The following PVT1 variants were observed in gnomAD, a reference collection of about 807,000 sequenced individuals.
PVT1 encodes CXCR4/PVT1 fusion.
chr8:127,887,958 T>TTTTTTG (rs1815547335), intron 2 of PVT1, among the ~76,000 whole-genome samples: 1 of 144,640 alleles, frequency 6.9e-6, no homozygotes. Flanking sequence ...TTTTTTTTTT[T>TTTTTTG]GAGACTGAAT....
intron 2 of PVT1, among the ~76,000 whole-genome samples, chr8:127,853,795 C>CA (rs535690247): frequency 1.2e-3 from 174 of 148,274 alleles, no homozygotes; most frequent in African/African-American, 4.1e-3. Context: ...CAAAACAAAA[C>CA]AAAAAAACAC....
chr8:127,983,299 G>A (rs769984399), intron 3 of PVT1, among the ~76,000 whole-genome samples: 2 of 152,128 alleles, frequency 1.3e-5, no homozygotes, highest in Non-Finnish European at 1.5e-5. Context: ...CGGAGGTGGT[G>A]GTTCAAATGA....
intron 5 of PVT1, among the ~76,000 whole-genome samples, chr8:128,086,461 A>G (rs777500010): frequency 4.6e-5 from 7 of 152,224 alleles, no homozygotes; most frequent in Non-Finnish European, 8.8e-5. Context: ...TCTCTTCCCC[A>G]AAGTCACACA....
In PVT1 at chr8:127,817,528, A is replaced by AATATATATATATATATAT. The variant is rs36101639; in HGVS notation, n.372+21459_372+21476dup. ...ATATTTAAATAGATATATCTATTTA[A>AATATATATATATATATAT]ATATATATATATATATATACACACA... On this transcript the variant is annotated intron_variant and non_coding_transcript_variant, in intron 2 of 10. Coordinates refer to ENST00000651587, the Ensembl canonical transcript of PVT1. 3.2e-4 allele frequency among the ~76,000 whole-genome samples: 22 copies of AATATATATATATATATAT among 68,690 alleles called. No individual in the cohort carries two copies. In the East Asian group the frequency reaches 4.9e-3, roughly 15 times the overall value. 45.1% of individuals were successfully genotyped at this position (68,690 alleles called of 152,430 possible).
At chr8:127,813,049 T>A (rs7833614) in intron 2 of PVT1, among the ~76,000 whole-genome samples, 67,524 of 150,974 alleles carry the variant, frequency 0.45, 15,732 homozygotes, top group African/African-American at 0.57. Context: ...AATAGCGATA[T>A]TAAAATGGCA....
At chr8:128,075,862 A>G (rs1192581217) in intron 5 of PVT1, among the ~76,000 whole-genome samples, 1 of 152,218 alleles carries the variant, frequency 6.6e-6, no homozygotes, top group Admixed American at 6.5e-5. Flanking sequence ...CCCATTCATT[A>G]TACTTACAGA....
At chr8:128,096,096 A>G (rs1026436963) in intron 5 of PVT1, among the ~76,000 whole-genome samples, 3 of 152,242 alleles carry the variant, frequency 2.0e-5, no homozygotes, top group African/African-American at 7.2e-5. Flanking sequence ...ACCAGGTACA[A>G]CTGTGCTTTG....
At chr8:128,070,357 T>A (rs1215484596) in exon 5 of PVT1, 1 of 152,256 alleles carries the variant, frequency 6.6e-6, no homozygotes, top group South Asian at 2.1e-4. Context: ...TGGACTGTGA[T>A]GCGGGTGAGT....
intron 3 of PVT1, among the ~76,000 whole-genome samples, chr8:127,979,251 G>C (rs1816857669): frequency 6.6e-6 from 1 of 152,222 alleles, no homozygotes; most frequent in South Asian, 2.1e-4. Context: ...AACTCAATGA[G>C]CTGGGATTCA....
At position 127,945,209 on chromosome 8, in the gene PVT1, T is replaced by C. The variant is rs183506486; in HGVS notation, n.783-43953T>C. 4.6e-5 allele frequency among the ~76,000 whole-genome samples: 7 copies of C among 152,318 alleles called. No individual in the cohort carries two copies. In the East Asian group the frequency reaches 1.4e-3, roughly 29 times the overall value. ...TTTTTTCTTTTCTTTCTTTCTTTTT[T>C]ATTCTCCCATATTACAAACACTGCT... is the stretch of plus-strand genomic sequence containing the variant. On this transcript the variant is annotated intron_variant and non_coding_transcript_variant, in intron 3 of 10. Coordinates refer to ENST00000651587, the Ensembl canonical transcript of PVT1.
chr8:127,838,907 G>A (rs1230786965), intron 2 of PVT1, among the ~76,000 whole-genome samples: 3 of 152,108 alleles, frequency 2.0e-5, no homozygotes, highest in African/African-American at 7.2e-5. Flanking sequence ...TTATAATACA[G>A]TATTTTTACT....
chr8:127,850,282 AG>A (rs1815093884), intron 2 of PVT1, among the ~76,000 whole-genome samples: 1 of 152,194 alleles, frequency 6.6e-6, no homozygotes, highest in South Asian at 2.1e-4. Flanking sequence ...ATAGGTTATC[AG>A]GGAGTAGTAC....
intron 3 of PVT1, among the ~76,000 whole-genome samples, chr8:127,971,597 T>C (rs1035996042): frequency 6.6e-6 from 1 of 152,126 alleles, no homozygotes; most frequent in African/African-American, 2.4e-5. Flanking sequence ...GGCACTGCAG[T>C]GTAGCATAGA....
rs2721135 is a variant in PVT1, at chr8:127,890,277, C to G, written n.373-312C>G. On this transcript the variant is annotated intron_variant and non_coding_transcript_variant, in intron 2 of 10. Transcript: ENST00000651587. ...TGGCCTTGCTGTCAGCTTTCTAAGC[C>G]AGTCACAAACATTCTCCTCTCAACT... Among the ~76,000 whole-genome samples, 869 of 152,312 alleles carry G rather than the reference C, an allele frequency of 5.7e-3. 2 individuals are homozygous for G. The highest frequency in any genetic ancestry group is 8.2e-3 in the Non-Finnish European group (555 of 68,014).
chr8:128,069,867 T>C (rs1813961001), intron 4 of PVT1, among the ~76,000 whole-genome samples: 1 of 152,146 alleles, frequency 6.6e-6, no homozygotes, highest in African/African-American at 2.4e-5. Flanking sequence ...GCCTTCTTTG[T>C]TCATTGTCAT....
At chr8:127,878,607 T>C (rs1219301791) in intron 2 of PVT1, among the ~76,000 whole-genome samples, 4 of 152,224 alleles carry the variant, frequency 2.6e-5, no homozygotes. Flanking sequence ...CCTCTCTTTC[T>C]GTCTTAAAAT....
rs1814404622 is a variant in PVT1, at chr8:127,797,028, A to T, written n.372+957A>T. 2.0e-5 allele frequency among the ~76,000 whole-genome samples: 3 copies of T among 151,918 alleles called. No homozygotes were observed. The South Asian group carries it at 6.2e-4, about 32-fold the overall frequency. On this transcript the variant is annotated intron_variant and non_coding_transcript_variant, in intron 2 of 10. Coordinates refer to ENST00000651587, the Ensembl canonical transcript of PVT1. ...CAAGTAGCTAGGATTACAGGCATGC[A>T]TCACCACACCCAGCTAATTTTGTAT...
At chr8:128,028,566 G>C (rs138602778) in intron 4 of PVT1, among the ~76,000 whole-genome samples, 1 of 152,158 alleles carries the variant, frequency 6.6e-6, no homozygotes, top group East Asian at 1.9e-4. Flanking sequence ...GATGAGTGTC[G>C]AGCGCCTCAC....
intron 5 of PVT1, among the ~76,000 whole-genome samples, chr8:128,078,493 T>A (rs776946393): frequency 2.0e-5 from 3 of 152,194 alleles, no homozygotes; most frequent in Non-Finnish European, 4.4e-5. Flanking sequence ...CCAGATTACT[T>A]AGAACTTAGT....
Sources: allele counts gnomAD v4.1 joint callset (sites outside exome capture counted in the v4.1 genomes callset), GRCh38; gene constraint gnomAD v4.1.1; transcripts MANE v1.5; gene names NCBI Gene and HGNC (gene_info 2026-07-23, HGNC 2026-07-21).